Variants in LMBR1 observed in about 807,000 individuals in gnomAD.
LMBR1 encodes limb development membrane protein 1, also known as limb region 1 protein homolog.
Under a neutral mutation model 73.9 loss-of-function variants are expected in LMBR1, and 52 were observed. The observed-to-expected ratio is 0.70, with a 90% CI of 0.56 to 0.89. The LOEUF is 0.89. Ranked by LOEUF, LMBR1 falls within the 40% of genes least tolerant of loss-of-function variation. The pLI is 0.00. For missense variants in LMBR1, 539 were observed against 579.8 expected, an observed-to-expected ratio of 0.93 and a Z score of 0.72; for synonymous variants, 215 against 209.4, an observed-to-expected ratio of 1.03 and a Z score of -0.23.
chr7:156,834,926 G>A (rs960595153), intron 2 of LMBR1, among the ~76,000 whole-genome samples: 4 of 151,950 alleles, frequency 2.6e-5, no homozygotes, highest in African/African-American at 9.7e-5. Flanking sequence ...CGGATCACAA[G>A]GTAAAGAGAT....
chr7:156,690,308 T>G (rs1806902448), intron 15 of LMBR1, among the ~76,000 whole-genome samples: 1 of 152,200 alleles, frequency 6.6e-6, no homozygotes, highest in Non-Finnish European at 1.5e-5. Flanking sequence ...AAATGCAAGT[T>G]CTAATAGTTT....
chr7:156,700,753 T>C (rs1809498264), intron 15 of LMBR1, among the ~76,000 whole-genome samples: 2 of 152,226 alleles, frequency 1.3e-5, no homozygotes, highest in African/African-American at 4.8e-5. Flanking sequence ...CCTGTGCCTG[T>C]TACCCAGTTC....
intron 9 of LMBR1, among the ~76,000 whole-genome samples, chr7:156,754,494 C>T (rs1168218636): frequency 1.3e-5 from 2 of 152,096 alleles, no homozygotes; most frequent in Admixed American, 1.3e-4. Flanking sequence ...GCACACCACA[C>T]ATCCCAACAC....
At chr7:156,847,469 T>C (rs1467957244) in intron 1 of LMBR1, among the ~76,000 whole-genome samples, 2 of 152,158 alleles carry the variant, frequency 1.3e-5, no homozygotes, top group Non-Finnish European at 2.9e-5. Context: ...AAACTTGTGC[T>C]CTGCAACAGA....
intron 5 of LMBR1, among the ~76,000 whole-genome samples, chr7:156,766,660 G>A (rs1441212623): frequency 6.6e-6 from 1 of 152,096 alleles, no homozygotes; most frequent in Non-Finnish European, 1.5e-5. Context: ...GAAGACTCCT[G>A]GGATCTATTA....
rs970039026 is a variant in LMBR1, at chr7:156,681,730, T to C, written c.*2348A>G. ...TGTAGCTCCAGAATTGACCTGATGA[T>C]GAGCATCTGCAGCTCTGCCTTCCAG... is the stretch of plus-strand genomic sequence containing the variant. On this transcript the variant is annotated 3_prime_UTR_variant, in exon 17 of 17. Coordinates refer to ENST00000353442, the MANE Select transcript of LMBR1 (RefSeq NM_022458.4). The C allele has an allele frequency of 2.0e-5, 3 of 152,306 alleles. No homozygotes were observed. Among genetic ancestry groups the C allele is most frequent in the African/African-American group, 7.2e-5 (3 of 41,456 alleles). 9.4% of individuals were successfully genotyped at this position (152,306 alleles called of 1,614,324 possible).
intron 15 of LMBR1, among the ~76,000 whole-genome samples, chr7:156,705,145 T>C (rs1484669959): frequency 6.6e-6 from 1 of 152,180 alleles, no homozygotes; most frequent in African/African-American, 2.4e-5. Context: ...TATAATCAGA[T>C]TGTCGAAAGT....
intron 5 of LMBR1, among the ~76,000 whole-genome samples, chr7:156,767,132 T>C (rs111319140): frequency 0.049 from 7,502 of 151,926 alleles, 280 homozygotes; most frequent in East Asian, 0.15. Flanking sequence ...TGGGGTAAAG[T>C]GGGGGTCTCC....
intron 1 of LMBR1, among the ~76,000 whole-genome samples, chr7:156,891,229 T>TAC (rs1455159710): frequency 6.1e-5 from 5 of 81,568 alleles, no homozygotes; most frequent in South Asian, 4.1e-4. Context: ...TATATATATA[T>TAC]ATATACACAC....
intron 1 of LMBR1, among the ~76,000 whole-genome samples, chr7:156,891,259 CATATATACATACACAT>C (rs1302199220): frequency 8.2e-6 from 1 of 121,826 alleles, no homozygotes; most frequent in Non-Finnish European, 1.7e-5. Flanking sequence ...CACACACACA[CATATATACATACACAT>C]ATATATACAC....
At chr7:156,865,916 A>G (rs2134245685) in intron 1 of LMBR1, among the ~76,000 whole-genome samples, 1 of 152,326 alleles carries the variant, frequency 6.6e-6, no homozygotes, top group Non-Finnish European at 1.5e-5. Flanking sequence ...CCCTTCTTAC[A>G]TTATACACAA....
chr7:156,854,683 G>T (rs948111438), intron 1 of LMBR1, among the ~76,000 whole-genome samples: 1 of 152,194 alleles, frequency 6.6e-6, no homozygotes, highest in African/African-American at 2.4e-5. Context: ...GTCAAAAGCC[G>T]AGTAGCACCT....
chr7:156,707,151 T>C (rs1317704957), intron 15 of LMBR1, among the ~76,000 whole-genome samples: 2 of 152,116 alleles, frequency 1.3e-5, no homozygotes, highest in African/African-American at 2.4e-5. Flanking sequence ...GATAAATTAC[T>C]GGCTAGAAAC....
chr7:156,728,039 A>C, intron 11 of LMBR1, 32 bp from the exon 12 acceptor site: 15 of 1,523,902 alleles, frequency 9.8e-6, no homozygotes, highest in Non-Finnish European at 1.3e-5. Context: ...GTCAGCTCTC[A>C]AGATTTTTCA....
intron 9 of LMBR1, chr7:156,736,727 T>C (rs768525867): frequency 8.3e-6 from 3 of 360,808 alleles, no homozygotes; most frequent in South Asian, 2.2e-5. Context: ...ATGTCTACAT[T>C]ATTATAACAA....
intron 5 of LMBR1, among the ~76,000 whole-genome samples, chr7:156,772,132 G>C (rs1825301519): frequency 1.3e-5 from 2 of 152,076 alleles, no homozygotes; most frequent in African/African-American, 4.8e-5. Context: ...AAATTAGCCA[G>C]GCATGGTAGC....
chr7:156,805,009 G>A (rs1201668117), intron 4 of LMBR1, among the ~76,000 whole-genome samples: 7 of 151,974 alleles, frequency 4.6e-5, no homozygotes, highest in African/African-American at 9.7e-5. Flanking sequence ...TACAGTTTGC[G>A]AATGGTGCCA....
chr7:156,879,469 C>G (rs1258256736), intron 1 of LMBR1, among the ~76,000 whole-genome samples: 5 of 152,092 alleles, frequency 3.3e-5, no homozygotes, highest in Non-Finnish European at 5.9e-5. Flanking sequence ...TCGAGACCAT[C>G]CTGGCTAACA....
chr7:156,757,267 A>G (rs1459654450), intron 8 of LMBR1, among the ~76,000 whole-genome samples: 1 of 152,254 alleles, frequency 6.6e-6, no homozygotes, highest in Non-Finnish European at 1.5e-5. Context: ...CATAATGTCT[A>G]AAACAAGAAA....
Sources: gnomAD v4.1 joint callset for allele counts (sites outside exome capture counted in the v4.1 genomes callset) on GRCh38, gnomAD v4.1.1 for gene constraint, MANE v1.5 for transcripts, NCBI Gene and HGNC (gene_info 2026-07-23, HGNC 2026-07-21) for gene names.